Variants in ESYT3 observed in about 807,000 individuals in gnomAD.
ESYT3 encodes extended synaptotagmin 3, also known as extended synaptotagmin-3.
A neutral mutation model predicts 111.5 loss-of-function variants in ESYT3; 101 were observed. That is an observed-to-expected ratio of 0.91 (90% CI 0.77 to 1.07). ESYT3 has a LOEUF of 1.07. ESYT3 is among the 50% of genes least tolerant of loss of function. The pLI is 0.00. For synonymous variants in ESYT3, 416 were observed against 446.8 expected, an observed-to-expected ratio of 0.93 and a Z score of 0.87; for missense variants, 1,097 against 1,109.4, an observed-to-expected ratio of 0.99 and a Z score of 0.16.
At position 138,468,866 on chromosome 3, in the gene ESYT3, C is replaced by T. The variant is rs757531421; in HGVS notation, c.1419C>T (p.Leu473=). The change falls in exon 14 of 23, where the codon CTC becomes CTT. Residue 473 remains leucine (L), a synonymous_variant. Transcript: ENST00000389567. ...YLNGEYRAKK[L]SRFARNKVSK... ...ATGGTGAATATCGAGCCAAAAAACT[C>T]TCCAGGTTTGCCAGAGTGAGTGAGT... 1 of 1,614,050 alleles carries T rather than the reference C, an allele frequency of 6.2e-7. No individual in the cohort carries two copies. The highest frequency in any genetic ancestry group is 8.5e-7 in the Non-Finnish European group (1 of 1,180,034).
In ESYT3 at chr3:138,457,667, T is replaced by C. The variant is rs1046275983; in HGVS notation, c.581+23T>C. 2.5e-6 allele frequency: 4 copies of C among 1,612,908 alleles called. No individual in the cohort carries two copies. In the African/African-American group the frequency reaches 4.0e-5, roughly 16 times the overall value. ...CTGGTGAGCTCTATCGGGCTGGGTATGGGCTTCGGGGTGCAGGGGACACAG... is the reference window on the plus strand; with the variant it reads ...CTGGTGAGCTCTATCGGGCTGGGTACGGGCTTCGGGGTGCAGGGGACACAG... On this transcript the variant is annotated intron_variant, in intron 4 of 22. Coordinates refer to ENST00000389567, the MANE Select transcript of ESYT3 (RefSeq NM_031913.5).
In ESYT3 at chr3:138,470,968, G is replaced by A. The variant is rs200786578; in HGVS notation, c.1682G>A (p.Arg561His). 270 of 1,614,006 alleles carry A rather than the reference G, an allele frequency of 1.7e-4. No individual in the cohort carries two copies. Among genetic ancestry groups the A allele is most frequent in the Admixed American group, 2.0e-4 (12 of 60,004 alleles). ...TATGCTGACCTCACTCTTGAGCAGC[G>A]CTTTCAGCTGGACCACTCAGGCCTG... is the stretch of plus-strand genomic sequence containing the variant. Reference protein sequence around the residue: ...LPYADLTLEQRFQLDHSGLDS... With the variant: ...LPYADLTLEQHFQLDHSGLDS... The change falls in exon 17 of 23, where the codon CGC (arginine) becomes CAC (histidine). Residue 561 changes from arginine to histidine, a missense_variant. Transcript: ENST00000389567.
chr3:138,471,445 CTATTTT>C (rs2033216608), intron 17 of ESYT3, among the ~76,000 whole-genome samples: 1 of 152,096 alleles, frequency 6.6e-6, no homozygotes, highest in Admixed American at 6.5e-5. Context: ...TTTTTCATTT[CTATTTT>C]TATCTTTTCC....
rs1466282660 is a variant in ESYT3, at chr3:138,435,205, G to A, written c.327+80G>A. 4 of 1,379,262 alleles carry A rather than the reference G, an allele frequency of 2.9e-6. No homozygotes were observed. Among genetic ancestry groups the A allele is most frequent in the Middle Eastern group, 2.0e-4 (1 of 5,022 alleles). The allele number at this position is 1,379,262 out of a possible 1,614,324, so 85.4% of individuals were successfully genotyped here. A position where few individuals can be genotyped will look rare whatever the true frequency, so the allele number is the denominator to read the frequency against. ...GGAACTTGCGGTCAGCGGGGAGCTG[G>A]TGCGCGCAAACCCGAGGCAGGGCGG... On this transcript the variant is annotated intron_variant, in intron 1 of 22. Coordinates refer to ENST00000389567, the MANE Select transcript of ESYT3 (RefSeq NM_031913.5). This position sits in a 1 kb window ranked among gnomAD's most constrained non-coding sequence, Gnocchi z 4.8.
intron 5 of ESYT3, 47 bp downstream of exon 5, chr3:138,459,300 G>A (rs2032483004): frequency 4.8e-6 from 7 of 1,467,752 alleles, no homozygotes; most frequent in Non-Finnish European, 6.4e-6. Flanking sequence ...CCCCAGGGTG[G>A]GGATCAGGGA....
rs531272211 is a variant in ESYT3 at position 138,462,644 on chromosome 3, T to C, written c.915+438T>C. 5.9e-5 allele frequency among the ~76,000 whole-genome samples: 9 copies of C among 152,348 alleles called. No homozygotes were observed. In the East Asian group the frequency reaches 1.5e-3, roughly 26 times the overall value. On this transcript the variant is annotated intron_variant, in intron 8 of 22. Transcript: ENST00000389567. ...CTCCACCTACTCCCCACCCTTCACT[T>C]ATAAGTCATGGTTTATCCTTCCATT... is the stretch of plus-strand genomic sequence containing the variant.
At position 138,435,633 on chromosome 3, in the gene ESYT3, G is replaced by A. The variant is rs2030606898; in HGVS notation, c.327+508G>A. ...GGCTCCGCGGGGCTGGAGGTGGAGT[G>A]GCGGGTACGGCTGGGAGACCGACGG... On this transcript the variant is annotated intron_variant, in intron 1 of 22. Coordinates refer to ENST00000389567, the MANE Select transcript of ESYT3 (RefSeq NM_031913.5). The surrounding 1 kb of genome is among the most constrained non-coding windows in gnomAD (Gnocchi z 4.8). Among the ~76,000 whole-genome samples the A allele has an allele frequency of 6.6e-6, 1 of 152,064 alleles. No homozygotes were observed. Among genetic ancestry groups the A allele is most frequent in the East Asian group, 1.9e-4 (1 of 5,168 alleles).
rs775220010 is a variant in ESYT3 at position 138,470,060 on chromosome 3, AC to A, written c.1506del (p.Cys503ValfsTer27). The A allele has an allele frequency of 2.5e-6, 4 of 1,611,982 alleles. No homozygotes were observed. In the Admixed American group the frequency reaches 6.7e-5, roughly 27 times the overall value. Reference sequence around the variant, plus strand: ...TGATCTCTCCCTCTTCTGTTCCCAGACCTGTCCCCACAACAAGGACCCTGTG... The same window carrying A: ...TGATCTCTCCCTCTTCTGTTCCCAGACTGTCCCCACAACAAGGACCCTGTG... ...SVGKKTHTSK[T>X]CPHNKDPVWS... On this transcript the variant is annotated frameshift_variant and splice_region_variant, in exon 16 of 23. Coordinates refer to ENST00000389567, the MANE Select transcript of ESYT3 (RefSeq NM_031913.5). LOFTEE classifies it high-confidence loss of function.
intron 2 of ESYT3, among the ~76,000 whole-genome samples, 167 bp downstream of exon 2, chr3:138,452,256 A>C (rs1210837607): frequency 6.6e-6 from 1 of 152,180 alleles, no homozygotes; most frequent in African/African-American, 2.4e-5. Flanking sequence ...CGCTTTTGTT[A>C]ACAACAACAA....
chr3:138,459,282 G>C (rs536590426), intron 5 of ESYT3, 29 bp downstream of exon 5: 7 of 1,511,256 alleles, frequency 4.6e-6, no homozygotes, highest in South Asian at 4.0e-5. Context: ...GGCTGCCTCT[G>C]TTCCAGCCCC....
Position 138,456,342 on chromosome 3 carries a change from AG to A in ESYT3, c.504+1016del, listed in dbSNP as rs573775018. On this transcript the variant is annotated intron_variant, in intron 3 of 22. Transcript: ENST00000389567. Reference sequence around the variant, plus strand: ...GCAGTATCTGCGTGCATGATGGCAGAGGAATGCAAGTTCAGAAATGGAGGGG... The same window carrying A: ...GCAGTATCTGCGTGCATGATGGCAGAGAATGCAAGTTCAGAAATGGAGGGG... Among the ~76,000 whole-genome samples, 51 of 152,376 alleles carry A rather than the reference AG, an allele frequency of 3.3e-4. No individual in the cohort carries two copies. The East Asian group carries it at 9.2e-3, about 28-fold the overall frequency.
chr3:138,469,663 T>A (rs2033116852), intron 15 of ESYT3, among the ~76,000 whole-genome samples, 159 bp downstream of exon 15: 1 of 152,148 alleles, frequency 6.6e-6, no homozygotes. Flanking sequence ...AGTTTTATAA[T>A]TCAAGAATCT....
rs372146298 is a variant in ESYT3, at chr3:138,473,490, C to G, written c.2238-46C>G. ...TGTCTTTGGGGGTGGCGGAAGAGGGCCAATGCTTGTTATGGCGAGAGAAGT... is the reference window on the plus strand; with the variant it reads ...TGTCTTTGGGGGTGGCGGAAGAGGGGCAATGCTTGTTATGGCGAGAGAAGT... On this transcript the variant is annotated intron_variant, in intron 18 of 22. Transcript: ENST00000389567. 5.2e-6 allele frequency: 8 copies of G among 1,541,634 alleles called. No homozygotes were observed. The African/African-American group carries it at 5.4e-5, about 10-fold the overall frequency.
chr3:138,464,537 TC>T, intron 9 of ESYT3, 22 bp downstream of exon 9: 1 of 1,613,064 alleles, frequency 6.2e-7, no homozygotes, highest in Non-Finnish European at 8.5e-7. Flanking sequence ...CTTGGCTGCT[TC>T]TAGCCTTCAC....
intron 10 of ESYT3, among the ~76,000 whole-genome samples, chr3:138,466,872 G>C (rs1191264123): frequency 4.6e-5 from 7 of 152,152 alleles, no homozygotes. Context: ...AGAGAGAAGG[G>C]AGCAACAGGA....
In ESYT3 at chr3:138,477,149, C is replaced by G. The variant is rs529055571; in HGVS notation, c.*295C>G. 1.1e-5 allele frequency: 3 copies of G among 269,186 alleles called. No individual in the cohort carries two copies. Among genetic ancestry groups the G allele is most frequent in the Non-Finnish European group, 2.1e-5 (3 of 142,610 alleles). 16.7% of individuals were successfully genotyped at this position (269,186 alleles called of 1,614,324 possible). A position where few individuals can be genotyped will look rare whatever the true frequency, so the allele number is the denominator to read the frequency against. On this transcript the variant is annotated 3_prime_UTR_variant, in exon 23 of 23. Transcript: ENST00000389567. ...TTATCCAAACCTCAGTGTTTATATA[C>G]TTAAACAAGTGCCACTTTTTAGTAG...
intron 1 of ESYT3, among the ~76,000 whole-genome samples, chr3:138,448,267 A>T (rs961574900): frequency 2.1e-5 from 1 of 46,704 alleles, no homozygotes; most frequent in South Asian, 5.9e-4. Flanking sequence ...AACTCGATCT[A>T]AAAAAAAAAA....
chr3:138,452,521 C>T (rs957967451), intron 2 of ESYT3, among the ~76,000 whole-genome samples: 22 of 152,170 alleles, frequency 1.4e-4, no homozygotes, highest in African/African-American at 5.3e-4. Context: ...AATTAGAGTC[C>T]TTGCCCTGGC....
Position 138,472,482 on chromosome 3 carries a change from G to A in ESYT3, c.1860G>A (p.Gln620=), listed in dbSNP as rs751654370. Residue 620 remains glutamine (Q), a synonymous_variant, in exon 18 of 23, where the codon CAG becomes CAA. Transcript: ENST00000389567. ...ATNQGPKAQP[Q]EEGPTDLPCP... is the part of the protein sequence containing the mutation. Reference sequence around the variant, plus strand: ...ACCAGGGTCCCAAAGCCCAACCTCAGGAAGAAGGCCCTACAGATTTGCCAT... The same window carrying A: ...ACCAGGGTCCCAAAGCCCAACCTCAAGAAGAAGGCCCTACAGATTTGCCAT... The A allele has an allele frequency of 1.2e-6, 2 of 1,614,204 alleles. No individual in the cohort carries two copies. The highest frequency in any genetic ancestry group is 1.6e-4 in the Middle Eastern group (1 of 6,062).
Sources: allele counts gnomAD v4.1 joint callset (sites outside exome capture counted in the v4.1 genomes callset), GRCh38; gene constraint gnomAD v4.1.1; non-coding constraint Gnocchi (gnomAD v3.1); transcripts MANE v1.5; gene names NCBI Gene and HGNC (gene_info 2026-07-23, HGNC 2026-07-21).